Variants in ABCC9 observed in about 807,000 individuals in gnomAD.
ABCC9 encodes ATP binding cassette subfamily C member 9.
Under a neutral mutation model 188.3 loss-of-function variants are expected in ABCC9, and 95 were observed. That is an observed-to-expected ratio of 0.50 (90% CI 0.43 to 0.60). ABCC9 has a LOEUF of 0.60. Ranked by LOEUF, ABCC9 falls within the 20% of genes least tolerant of loss-of-function variation. The pLI is 0.00. For missense variants in ABCC9, 1,102 were observed against 1,876.3 expected, an observed-to-expected ratio of 0.59 and a Z score of 7.62; for synonymous variants, 659 against 652.7, an observed-to-expected ratio of 1.01 and a Z score of -0.15.
At position 21,842,021 on chromosome 12, in the gene ABCC9, G is replaced by C. The variant is rs861202; in HGVS notation, c.3473+293C>G. On this transcript the variant is annotated intron_variant, in intron 29 of 39. Coordinates refer to ENST00000261200, the MANE Select transcript of ABCC9 (RefSeq NM_020297.4). ...CCAAAATCTGCAGATGCTCAAGTCC[G>C]TTATATAAAATGGGTGGCATTTGCA... 0.66 allele frequency among the ~76,000 whole-genome samples: 100,663 copies of C among 151,956 alleles called. 34,245 individuals carry two copies. Among genetic ancestry groups the C allele is most frequent in the African/African-American group, 0.81 (33,773 of 41,444 alleles).
intron 7 of ABCC9, among the ~76,000 whole-genome samples, chr12:21,914,900 C>CTT (rs377103461): frequency 7.4e-6 from 1 of 134,978 alleles, no homozygotes. Flanking sequence ...GCTTTGTGTC[C>CTT]TTTTTTTTTT....
chr12:21,844,093 C>T (rs1252084897), intron 28 of ABCC9, among the ~76,000 whole-genome samples: 2 of 152,156 alleles, frequency 1.3e-5, no homozygotes, highest in Non-Finnish European at 2.9e-5. Flanking sequence ...AAGTAAAGGA[C>T]TTTAAGACAG....
chr12:21,831,595 C>T (rs1301112946), intron 30 of ABCC9, among the ~76,000 whole-genome samples: 3 of 151,904 alleles, frequency 2.0e-5, no homozygotes, highest in Admixed American at 1.3e-4. Flanking sequence ...AGGATCAGCA[C>T]GGTAGGAAAT....
intron 31 of ABCC9, among the ~76,000 whole-genome samples, chr12:21,819,539 G>A (rs534638158): frequency 1.3e-5 from 2 of 152,282 alleles, no homozygotes; most frequent in Non-Finnish European, 2.9e-5. Flanking sequence ...CCCGTTACTA[G>A]TTAATGAGCT....
chr12:21,940,167 G>C (rs1012939626), intron 2 of ABCC9, among the ~76,000 whole-genome samples: 66 of 152,166 alleles, frequency 4.3e-4, no homozygotes, highest in African/African-American at 1.3e-3. Flanking sequence ...AGCAGAAAGC[G>C]TTAGTTCTGA....
chr12:21,881,178 A>G (rs895444498), intron 16 of ABCC9, among the ~76,000 whole-genome samples: 8 of 152,206 alleles, frequency 5.3e-5, no homozygotes, highest in South Asian at 2.1e-4. Flanking sequence ...AGGGAAAAAT[A>G]TAAGAAGACA....
At chr12:21,902,920 A>G (rs1203498524) in intron 12 of ABCC9, among the ~76,000 whole-genome samples, 1 of 152,202 alleles carries the variant, frequency 6.6e-6, no homozygotes, top group Non-Finnish European at 1.5e-5. Context: ...AAAAGAGGGA[A>G]TCCTCGCTAA....
chr12:21,883,800 C>G (rs1946746626), intron 15 of ABCC9, among the ~76,000 whole-genome samples: 2 of 152,138 alleles, frequency 1.3e-5, no homozygotes, highest in South Asian at 4.1e-4. Context: ...TAGTCTATCT[C>G]AAATGTTATA....
intron 7 of ABCC9, among the ~76,000 whole-genome samples, chr12:21,913,328 T>A (rs1296834224): frequency 2.6e-5 from 4 of 152,222 alleles, no homozygotes; most frequent in Non-Finnish European, 5.9e-5. Flanking sequence ...GACTCTGTAT[T>A]ATTTTACTTA....
At chr12:21,850,714 T>C (rs1463599051) in intron 24 of ABCC9, among the ~76,000 whole-genome samples, 2 of 152,126 alleles carry the variant, frequency 1.3e-5, no homozygotes, top group East Asian at 3.9e-4. Context: ...ATTGTCCCAA[T>C]CCTTAAGTTT....
Position 21,809,750 on chromosome 12 carries a change from G to T in ABCC9, c.4315+102C>A, listed in dbSNP as rs1263403940. The T allele has an allele frequency of 4.1e-6, 3 of 729,116 alleles. No homozygotes were observed. The African/African-American group carries it at 5.4e-5, about 13-fold the overall frequency. 45.2% of individuals were successfully genotyped at this position (729,116 alleles called of 1,614,324 possible). A position where few individuals can be genotyped will look rare whatever the true frequency, so the allele number is the denominator to read the frequency against. On this transcript the variant is annotated intron_variant, in intron 37 of 39. Coordinates refer to ENST00000261200, the MANE Select transcript of ABCC9 (RefSeq NM_020297.4). The stretch of plus-strand genomic sequence containing the variant: ...TAGGATATTATTTTAAATATAAGGG[G>T]ATTTAACACTAAAGTTATGTGATTA...
intron 10 of ABCC9, among the ~76,000 whole-genome samples, chr12:21,909,392 AT>A (rs777602308): frequency 6.6e-6 from 1 of 151,904 alleles, no homozygotes; most frequent in Non-Finnish European, 1.5e-5. Flanking sequence ...TAGATGACAG[AT>A]TTTTTCAAAT....
intron 28 of ABCC9, 73 bp from the exon 29 acceptor site, chr12:21,842,544 A>AT: frequency 6.8e-7 from 1 of 1,478,854 alleles, no homozygotes; most frequent in Non-Finnish European, 9.5e-7. Context: ...AAAAATACCT[A>AT]TTTTTATGTT....
At chr12:21,877,811 A>G (rs1221484908) in intron 16 of ABCC9, among the ~76,000 whole-genome samples, 1 of 152,168 alleles carries the variant, frequency 6.6e-6, no homozygotes, top group African/African-American at 2.4e-5. Flanking sequence ...GCAGATAGCT[A>G]TTGGGGGAGG....
chr12:21,874,238 C>G (rs1441629776), intron 17 of ABCC9, among the ~76,000 whole-genome samples: 1 of 151,948 alleles, frequency 6.6e-6, no homozygotes. Flanking sequence ...AAATGGCCAC[C>G]AGGTATATAT....
At chr12:21,867,153 C>T (rs1945822987) in intron 18 of ABCC9, among the ~76,000 whole-genome samples, 1 of 151,946 alleles carries the variant, frequency 6.6e-6, no homozygotes, top group South Asian at 2.1e-4. Context: ...ACAAATTAAC[C>T]CATTATTTCA....
At chr12:21,828,665 GAA>G (rs901246996) in intron 31 of ABCC9, 1 of 390,344 alleles carries the variant, frequency 2.6e-6, no homozygotes, top group Non-Finnish European at 4.9e-6. Context: ...TGCTCTTTTG[GAA>G]AAAAAAATTT....
At chr12:21,901,511 A>T (rs1947748643) in intron 12 of ABCC9, among the ~76,000 whole-genome samples, 1 of 152,248 alleles carries the variant, frequency 6.6e-6, no homozygotes, top group Non-Finnish European at 1.5e-5. Flanking sequence ...CACACTGGCA[A>T]ATTGGATAAA....
chr12:21,915,982 A>G lies in ABCC9; in HGVS notation c.574-72T>C, dbSNP rs897493724. ...TCCACATATTAAAAATAAAATTTCAACCTTTTCTACATTTTCATTTCAGGT... is the reference window on the plus strand; with the variant it reads ...TCCACATATTAAAAATAAAATTTCAGCCTTTTCTACATTTTCATTTCAGGT... On this transcript the variant is annotated intron_variant, in intron 6 of 39. Coordinates refer to ENST00000261200, the MANE Select transcript of ABCC9 (RefSeq NM_020297.4). 5 of 1,479,738 alleles carry G rather than the reference A, an allele frequency of 3.4e-6. 1 individual carries two copies. In the African/African-American group the frequency reaches 7.1e-5, roughly 21 times the overall value. 91.7% of individuals were successfully genotyped at this position (1,479,738 alleles called of 1,614,324 possible).
Sources: gnomAD v4.1 joint callset for allele counts (sites outside exome capture counted in the v4.1 genomes callset) on GRCh38, gnomAD v4.1.1 for gene constraint, MANE v1.5 for transcripts, NCBI Gene and HGNC (gene_info 2026-07-23, HGNC 2026-07-21) for gene names.